NGLY1: variants seen among roughly 807,000 people sequenced by gnomAD.
NGLY1 encodes N-glycanase 1.
NGLY1 carries 68 observed loss-of-function variants against 84.6 expected under a neutral mutation model. The ratio of observed to expected loss-of-function variants is 0.80; its 90% CI spans 0.66 to 0.98. NGLY1 has a LOEUF of 0.98. NGLY1 is among the 50% of genes least tolerant of loss of function. The pLI, the probability that NGLY1 is intolerant of heterozygous loss-of-function variation, is 0.00. For synonymous variants in NGLY1, 280 were observed against 275.2 expected (o/e 1.02, Z -0.17); for missense variants, 779 against 770.2 (o/e 1.01, Z -0.14).
chr3:25,754,686 T>A (rs547657809), intron 3 of NGLY1, among the ~76,000 whole-genome samples: 2 of 148,936 alleles, frequency 1.3e-5, no homozygotes, highest in East Asian at 3.9e-4. Context: ...AGCAAATGGA[T>A]ATGAAAAGAA....
chr3:25,723,691 T>C (rs1705118662), intron 10 of NGLY1, among the ~76,000 whole-genome samples: 1 of 152,230 alleles, frequency 6.6e-6, no homozygotes, highest in Non-Finnish European at 1.5e-5. Flanking sequence ...TTTACAACTG[T>C]TGATTGTTCC....
intron 2 of NGLY1, among the ~76,000 whole-genome samples, chr3:25,765,254 G>A (rs766450511): frequency 2.6e-5 from 4 of 152,118 alleles, no homozygotes; most frequent in Non-Finnish European, 4.4e-5. Context: ...GAGGTCAGGG[G>A]TTCGAGACCA....
chr3:25,759,825 A>C (rs961801661), intron 3 of NGLY1, among the ~76,000 whole-genome samples: 1 of 152,098 alleles, frequency 6.6e-6, no homozygotes, highest in Admixed American at 6.5e-5. Context: ...TTAAGACTTC[A>C]TAAGAAAAAA....
At chr3:25,780,744 T>C (rs1244400046) in intron 1 of NGLY1, among the ~76,000 whole-genome samples, 1 of 151,590 alleles carries the variant, frequency 6.6e-6, no homozygotes, top group Non-Finnish European at 1.5e-5. Context: ...CCTCAGCCTC[T>C]GAAGTAGCTA....
At chr3:25,785,284 A>G (rs1377658249), upstream of NGLY1, among the ~76,000 whole-genome samples, 1 of 152,082 alleles carries the variant, frequency 6.6e-6, no homozygotes, top group Non-Finnish European at 1.5e-5. Context: ...AGATTTACAA[A>G]AAATAAAAAA....
rs1280404493 is a variant in NGLY1, at chr3:25,732,420, C to T, written c.1324G>A (p.Val442Ile). The change falls in exon 9 of 12, where the codon GTT becomes ATT. Residue 442 changes from valine to isoleucine, a missense_variant. Coordinates refer to ENST00000280700, the MANE Select transcript of NGLY1 (RefSeq NM_018297.4). ...ELLQRIIVELVEFISPKTPKP... is the reference protein window; with the variant it reads ...ELLQRIIVELIEFISPKTPKP... ...GGGGTTTTGGGAGATATAAATTCAA[C>T]AAGCTCCACAATTATCCTCTGGAGA... is the stretch of plus-strand genomic sequence containing the variant. 6.2e-7 allele frequency: 1 copy of T among 1,613,748 alleles called. No individual in the cohort carries two copies. Among genetic ancestry groups the T allele is most frequent in the Admixed American group, 1.7e-5 (1 of 59,992 alleles).
intron 4 of NGLY1, among the ~76,000 whole-genome samples, chr3:25,747,195 C>T (rs2125503109): frequency 6.6e-6 from 1 of 152,326 alleles, no homozygotes; most frequent in East Asian, 1.9e-4. Context: ...TCCTGTCTCT[C>T]CCCTGCAGGG....
chr3:25,765,398 G>A (rs1220377621), intron 2 of NGLY1, among the ~76,000 whole-genome samples: 6 of 149,748 alleles, frequency 4.0e-5, no homozygotes, highest in Non-Finnish European at 8.9e-5. Flanking sequence ...AGGCAGAGGT[G>A]AGCTGAGATC....
chr3:25,728,621 A>C (rs913326562), intron 10 of NGLY1, among the ~76,000 whole-genome samples: 8 of 152,114 alleles, frequency 5.3e-5, no homozygotes, highest in African/African-American at 1.9e-4. Flanking sequence ...TTTTTTTAAG[A>C]TACAGAGAAG....
Position 25,729,209 on chromosome 3 carries a change from T to C in NGLY1, c.1535A>G (p.Gln512Arg). 1 of 1,569,974 alleles carries C rather than the reference T, an allele frequency of 6.4e-7. No individual in the cohort carries two copies. The change falls in exon 10 of 12, where the codon CAA (glutamine) becomes CGA (arginine). Residue 512 changes from glutamine to arginine, a missense_variant. By Grantham distance (43) the Gln-to-Arg change is conservative. Coordinates refer to ENST00000280700, the MANE Select transcript of NGLY1 (RefSeq NM_018297.4). ...GCCATTCTCCCATCCAGAAATGGTT[T>C]GATTGTTATTTGAAACTCGAACATA... is the stretch of plus-strand genomic sequence containing the variant. ...DRYVRVSNNNQTISGWENGVW... is the reference protein window; with the variant it reads ...DRYVRVSNNNRTISGWENGVW...
intron 3 of NGLY1, among the ~76,000 whole-genome samples, chr3:25,757,387 T>G (rs758033189): frequency 2.0e-5 from 3 of 152,152 alleles, no homozygotes; most frequent in Non-Finnish European, 4.4e-5. Context: ...TCAATAGTAG[T>G]AGGAAAATAA....
intron 2 of NGLY1, among the ~76,000 whole-genome samples, chr3:25,771,507 T>C (rs559348464): frequency 2.6e-5 from 4 of 152,290 alleles, no homozygotes; most frequent in African/African-American, 9.6e-5. Flanking sequence ...GTTAGTCTTG[T>C]TTTGGCTACG....
chr3:25,752,896 G>A (rs182342331), intron 3 of NGLY1, among the ~76,000 whole-genome samples: 31 of 152,050 alleles, frequency 2.0e-4, no homozygotes, highest in South Asian at 4.1e-4. Flanking sequence ...TGGCTAAAGA[G>A]TGATCAGTCA....
intron 10 of NGLY1, among the ~76,000 whole-genome samples, chr3:25,725,046 A>C (rs1705181330): frequency 6.6e-6 from 1 of 152,228 alleles, no homozygotes; most frequent in African/African-American, 2.4e-5. Context: ...ATTATGGGTC[A>C]TAAAACCCCT....
chr3:25,757,758 G>GA (rs1425429000), intron 3 of NGLY1, among the ~76,000 whole-genome samples: 1 of 152,238 alleles, frequency 6.6e-6, no homozygotes, highest in African/African-American at 2.4e-5. Context: ...GATGTGGACA[G>GA]AAAGTATGAG....
At chr3:25,728,200 G>A (rs1490721368) in intron 10 of NGLY1, among the ~76,000 whole-genome samples, 1 of 152,024 alleles carries the variant, frequency 6.6e-6, no homozygotes, top group Non-Finnish European at 1.5e-5. Flanking sequence ...AAAAACTTAT[G>A]ATTGAAAAAG....
intron 1 of NGLY1, among the ~76,000 whole-genome samples, chr3:25,781,961 G>A (rs1708437364): frequency 6.6e-6 from 1 of 152,140 alleles, no homozygotes; most frequent in Non-Finnish European, 1.5e-5. Context: ...TTCATTTATG[G>A]AGTCCCTTGG....
intron 10 of NGLY1, among the ~76,000 whole-genome samples, chr3:25,720,645 T>A (rs1205804458): frequency 6.6e-6 from 1 of 152,230 alleles, no homozygotes; most frequent in Non-Finnish European, 1.5e-5. Context: ...AGAAAATACC[T>A]GAGCCACTGC....
At chr3:25,722,612 T>C (rs889689901) in intron 10 of NGLY1, among the ~76,000 whole-genome samples, 1 of 152,198 alleles carries the variant, frequency 6.6e-6, no homozygotes, top group Non-Finnish European at 1.5e-5. Flanking sequence ...CTTAAACTAC[T>C]CAGAGTAGAT....
Sources: gnomAD v4.1 joint callset for allele counts (sites outside exome capture counted in the v4.1 genomes callset) on GRCh38, gnomAD v4.1.1 for gene constraint, MANE v1.5 for transcripts, NCBI Gene and HGNC (gene_info 2026-07-23, HGNC 2026-07-21) for gene names.